Variants in VPS37A observed in about 807,000 individuals in gnomAD.
VPS37A encodes the protein vacuolar protein sorting-associated protein 37A.
In VPS37A, 30 loss-of-function variants were observed where a neutral mutation model predicts 49.8. The ratio of observed to expected loss-of-function variants is 0.60; its 90% CI spans 0.45 to 0.82. The LOEUF (loss-of-function observed/expected upper bound fraction) is 0.82, where lower values mean the gene tolerates loss of function less well. Ranked by LOEUF, VPS37A falls within the 40% of genes least tolerant of loss-of-function variation. The pLI, the probability that VPS37A is intolerant of heterozygous loss-of-function variation, is 0.00. For synonymous variants in VPS37A, 195 were observed against 160.6 expected (o/e 1.21, Z -1.62); for missense variants, 593 against 464.4 (o/e 1.28, Z -2.55).
chr8:17,287,626 C>CGGCT (rs1815732624), intron 11 of VPS37A, among the ~76,000 whole-genome samples: 1 of 151,640 alleles, frequency 6.6e-6, no homozygotes, highest in African/African-American at 2.4e-5. Flanking sequence ...TGCAGTGAGC[C>CGGCT]GAGATCACGC....
At chr8:17,262,673 T>C (rs1475308790) in intron 1 of VPS37A, among the ~76,000 whole-genome samples, 1 of 152,056 alleles carries the variant, frequency 6.6e-6, no homozygotes, top group Admixed American at 6.6e-5. Context: ...GTGTGGTTTG[T>C]AAGAATAAAA....
the VPS37A span, among the ~76,000 whole-genome samples, chr8:17,307,479 G>A: frequency 3.6e-3 from 541 of 152,088 alleles, 6 homozygotes; most frequent in East Asian, 0.037. Context: ...TCAGTGTGGC[G>A]ATTCCTCAGG....
At chr8:17,302,259 G>A, downstream of VPS37A, 1 of 1,613,794 alleles carries the variant, frequency 6.2e-7, no homozygotes. Context: ...TTTCAAAGCG[G>A]TTATACATTC....
the VPS37A span, among the ~76,000 whole-genome samples, chr8:17,328,160 T>C: frequency 6.6e-6 from 1 of 152,142 alleles, no homozygotes; most frequent in Non-Finnish European, 1.5e-5. Flanking sequence ...GGCAAGTTGA[T>C]TGGCAGAGGA....
chr8:17,292,425 C>T (rs1487479100), intron 11 of VPS37A, among the ~76,000 whole-genome samples: 1 of 152,158 alleles, frequency 6.6e-6, no homozygotes, highest in East Asian at 1.9e-4. Context: ...GTATCATTTG[C>T]CAGTCTGTGC....
At chr8:17,326,646 T>G in the VPS37A span, 1 of 152,234 alleles carries the variant, frequency 6.6e-6, no homozygotes, top group Admixed American at 6.5e-5. Flanking sequence ...CCCACTGGCC[T>G]TGAAGAAACA....
chr8:17,286,456 A>G (rs376342026), intron 11 of VPS37A, 29 bp downstream of exon 11: 5 of 1,591,194 alleles, frequency 3.1e-6, no homozygotes, highest in Non-Finnish European at 4.3e-6. Flanking sequence ...TTGAGTCTCA[A>G]GGTGATTGCA....
chr8:17,289,537 C>G (rs747114171), intron 11 of VPS37A, among the ~76,000 whole-genome samples: 3 of 152,136 alleles, frequency 2.0e-5, no homozygotes, highest in Non-Finnish European at 4.4e-5. Flanking sequence ...TCTGAGGCCT[C>G]TGTTCTGTTC....
the VPS37A span, chr8:17,309,193 G>A: frequency 3.2e-6 from 3 of 943,514 alleles, no homozygotes; most frequent in African/African-American, 1.7e-5. Flanking sequence ...AAAACAAGAC[G>A]ATTTTCCCCT....
At chr8:17,308,306 A>G in the VPS37A span, among the ~76,000 whole-genome samples, 47 of 152,280 alleles carry the variant, frequency 3.1e-4, 1 homozygote, top group East Asian at 6.6e-3. Context: ...CCTAGCGTGT[A>G]ATATTAATAG....
chr8:17,273,431 A>G (rs901826310), intron 4 of VPS37A, among the ~76,000 whole-genome samples: 6 of 152,106 alleles, frequency 3.9e-5, no homozygotes, highest in African/African-American at 7.2e-5. Context: ...CAGTGGCGCA[A>G]TCTCGGCTCA....
At chr8:17,316,464 T>TAAAAAA in the VPS37A span, among the ~76,000 whole-genome samples, 22 of 143,510 alleles carry the variant, frequency 1.5e-4, no homozygotes, top group South Asian at 4.7e-3. Context: ...AACAGTACAG[T>TAAAAAA]AAAAAAAAAA....
At chr8:17,277,394 T>C (rs1814609815) in intron 6 of VPS37A, among the ~76,000 whole-genome samples, 1 of 152,104 alleles carries the variant, frequency 6.6e-6, no homozygotes, top group South Asian at 2.1e-4. Flanking sequence ...TTTAAATAAT[T>C]GTTATGAAAA....
chr8:17,249,701 G>A (rs957229402), intron 1 of VPS37A, among the ~76,000 whole-genome samples: 14 of 152,190 alleles, frequency 9.2e-5, no homozygotes, highest in African/African-American at 3.1e-4. Context: ...CTGATGTAAA[G>A]ATGGAAAAGG....
At chr8:17,326,398 C>T in the VPS37A span, 8 of 152,254 alleles carry the variant, frequency 5.3e-5, no homozygotes, top group Non-Finnish European at 1.2e-4. Flanking sequence ...CTTCCATAAA[C>T]GTATCTTCAT....
At chr8:17,275,913 C>A (rs1326708175) in intron 5 of VPS37A, among the ~76,000 whole-genome samples, 2 of 151,936 alleles carry the variant, frequency 1.3e-5, no homozygotes, top group Non-Finnish European at 2.9e-5. Flanking sequence ...GTAGTGTGAA[C>A]AAAATTACAA....
the VPS37A span, among the ~76,000 whole-genome samples, chr8:17,318,224 C>A: frequency 6.6e-6 from 1 of 152,096 alleles, no homozygotes; most frequent in Admixed American, 6.5e-5. Flanking sequence ...TGCACGGAAG[C>A]CCCCAAGATA....
rs577328832 is a variant in VPS37A, at chr8:17,255,131, G to T, written c.125+7762G>T. On this transcript the variant is annotated intron_variant, in intron 1 of 11. Transcript: ENST00000324849. ...ATGCTGGATATATGGTTGGTGTTCA[G>T]TTAAACTGAGTCTTATGAAATCAAA... Among the ~76,000 whole-genome samples the T allele has an allele frequency of 4.3e-4, 65 of 152,262 alleles. 1 individual carries two copies. The highest frequency in any genetic ancestry group is 1.2e-3 in the African/African-American group (51 of 41,552).
intron 6 of VPS37A, among the ~76,000 whole-genome samples, chr8:17,277,284 C>T (rs1814600451): frequency 6.6e-6 from 1 of 152,120 alleles, no homozygotes; most frequent in Non-Finnish European, 1.5e-5. Flanking sequence ...TTACAATATA[C>T]TGCATACATT....
Sources: allele counts gnomAD v4.1 joint callset (sites outside exome capture counted in the v4.1 genomes callset), GRCh38; gene constraint gnomAD v4.1.1; transcripts MANE v1.5; gene names NCBI Gene and HGNC (gene_info 2026-07-23, HGNC 2026-07-21).